ITGA9: variants seen among roughly 807,000 people sequenced by gnomAD.
ITGA9 encodes integrin alpha-9.
ITGA9 carries 56 observed loss-of-function variants against 127.8 expected under a neutral mutation model. The ratio of observed to expected loss-of-function variants is 0.44; its 90% CI spans 0.35 to 0.55. The LOEUF is 0.55. Among genes scored for constraint, ITGA9 ranks in the 20% least tolerant of loss-of-function variants. The pLI is 0.00. For synonymous variants in ITGA9, 508 were observed against 514.5 expected, an observed-to-expected ratio of 0.99 and a Z score of 0.17; for missense variants, 1,196 against 1,347.1, an observed-to-expected ratio of 0.89 and a Z score of 1.76.
At chr3:37,782,935 C>G (rs1559597465) in intron 25 of ITGA9, among the ~76,000 whole-genome samples, 1 of 152,126 alleles carries the variant, frequency 6.6e-6, no homozygotes, top group African/African-American at 2.4e-5. Flanking sequence ...GTCAGGAATT[C>G]AAGACCAGCC....
Position 37,597,823 on chromosome 3 carries a change from T to C in ITGA9, c.1690-31364T>C, listed in dbSNP as rs1012320959. ...TTTGGGCAGGGCTTGTTCATATAGC[T>C]AGGGGTCAGCTAGCTGTTGGTTATC... On this transcript the variant is annotated intron_variant, in intron 15 of 27. Transcript: ENST00000264741. The surrounding 1 kb of genome is among the most constrained non-coding windows in gnomAD (Gnocchi z 4.6). Among the ~76,000 whole-genome samples the C allele has an allele frequency of 2.0e-5, 3 of 152,140 alleles. No individual in the cohort carries two copies. Among genetic ancestry groups the C allele is most frequent in the African/African-American group, 7.2e-5 (3 of 41,434 alleles).
rs1453291719 is a variant in ITGA9 at position 37,820,401 on chromosome 3, C to A, written c.*1412C>A. 1 of 152,320 alleles carries A rather than the reference C, an allele frequency of 6.6e-6. No homozygotes were observed. Among genetic ancestry groups the A allele is most frequent in the African/African-American group, 2.4e-5 (1 of 41,420 alleles). The allele number at this position is 152,320 out of a possible 1,614,324, so 9.4% of individuals were successfully genotyped here. A position where few individuals can be genotyped will look rare whatever the true frequency, so the allele number is the denominator to read the frequency against. On this transcript the variant is annotated 3_prime_UTR_variant, in exon 28 of 28. Transcript: ENST00000264741. ...TCTAAAGGACAACCACAGATGCATC[C>A]TCAGCCAGGGGAGACACAGGGAAAT...
intron 15 of ITGA9, among the ~76,000 whole-genome samples, chr3:37,628,911 T>A (rs1700202282): frequency 6.6e-6 from 1 of 152,162 alleles, no homozygotes; most frequent in African/African-American, 2.4e-5. Flanking sequence ...AGTAAAGTAA[T>A]GTCTTCCATA....
intron 9 of ITGA9, among the ~76,000 whole-genome samples, chr3:37,516,165 C>T (rs886456600): frequency 6.6e-6 from 1 of 152,166 alleles, no homozygotes; most frequent in Admixed American, 6.5e-5. Flanking sequence ...CCCCAGGCCT[C>T]CACTGGGCAT....
intron 24 of ITGA9, among the ~76,000 whole-genome samples, chr3:37,778,240 G>A (rs181830116): frequency 1.2e-4 from 18 of 152,260 alleles, no homozygotes; most frequent in Non-Finnish European, 1.8e-4. Context: ...GATGGGATGG[G>A]GCATGAGGGA....
chr3:37,617,789 C>G (rs1293006542), intron 15 of ITGA9, among the ~76,000 whole-genome samples: 1 of 151,690 alleles, frequency 6.6e-6, no homozygotes, highest in Non-Finnish European at 1.5e-5. Flanking sequence ...TCACGTAGTT[C>G]TCGTGCCATG....
intron 21 of ITGA9, among the ~76,000 whole-genome samples, chr3:37,743,489 A>G (rs1049808782): frequency 1.3e-5 from 2 of 152,220 alleles, no homozygotes; most frequent in Non-Finnish European, 2.9e-5. Flanking sequence ...AGTCTGATAA[A>G]TTTAAGTTTT....
intron 17 of ITGA9, among the ~76,000 whole-genome samples, chr3:37,663,270 T>C (rs746133231): frequency 3.9e-5 from 6 of 152,340 alleles, no homozygotes; most frequent in Non-Finnish European, 8.8e-5. Context: ...AAAAAGACTA[T>C]GGCAAGTGAG....
chr3:37,453,837 A>G (rs781128095), intron 1 of ITGA9, among the ~76,000 whole-genome samples: 2 of 152,210 alleles, frequency 1.3e-5, no homozygotes, highest in Admixed American at 6.5e-5. Flanking sequence ...CATGCTGTTC[A>G]GGAGATCAGC....
intron 18 of ITGA9, among the ~76,000 whole-genome samples, chr3:37,729,510 C>T (rs551920283): frequency 6.6e-6 from 1 of 152,064 alleles, no homozygotes; most frequent in Admixed American, 6.6e-5. Context: ...ATAAATGTTA[C>T]GTTCTAGCAT....
chr3:37,735,338 C>T (rs1293387609), intron 19 of ITGA9, among the ~76,000 whole-genome samples: 2 of 152,166 alleles, frequency 1.3e-5, no homozygotes, highest in Admixed American at 6.5e-5. Context: ...GCCCCCCACC[C>T]CACAGTAAGC....
chr3:37,721,298 T>C (rs1461430625), intron 18 of ITGA9, among the ~76,000 whole-genome samples: 1 of 152,054 alleles, frequency 6.6e-6, no homozygotes, highest in Non-Finnish European at 1.5e-5. Flanking sequence ...TTTATTTTTG[T>C]TGAGACAGGG....
At chr3:37,666,313 C>T (rs1037249486) in intron 17 of ITGA9, among the ~76,000 whole-genome samples, 1 of 152,206 alleles carries the variant, frequency 6.6e-6, no homozygotes, top group African/African-American at 2.4e-5. Flanking sequence ...CACAGGGAAG[C>T]CTGCGGTGAG....
rs533600783 is a variant in ITGA9, at chr3:37,646,026, T to C, written c.1840-7688T>C. 2.0e-5 allele frequency among the ~76,000 whole-genome samples: 3 copies of C among 152,310 alleles called. No homozygotes were observed. The South Asian group carries it at 6.2e-4, about 32-fold the overall frequency. ...AAGAGAAGCACAGCCAGCCCCAGCG[T>C]CCTTACTCTGACTCAGAGGAAAATG... On this transcript the variant is annotated intron_variant, in intron 16 of 27. Transcript: ENST00000264741.
intron 8 of ITGA9, among the ~76,000 whole-genome samples, chr3:37,512,134 CTTTTCT>C (rs1698931672): frequency 2.9e-4 from 3 of 10,362 alleles, no homozygotes; most frequent in African/African-American, 7.1e-4. Flanking sequence ...CTTTTCTTTT[CTTTTCT>C]TTTCTTTTCT....
intron 16 of ITGA9, among the ~76,000 whole-genome samples, chr3:37,648,173 C>T (rs1353020211): frequency 1.3e-5 from 2 of 152,056 alleles, no homozygotes; most frequent in Non-Finnish European, 2.9e-5. Flanking sequence ...TTCTCCATGC[C>T]CTCACTAACA....
chr3:37,672,570 G>A (rs1700647503), intron 17 of ITGA9, among the ~76,000 whole-genome samples: 1 of 152,128 alleles, frequency 6.6e-6, no homozygotes, highest in African/African-American at 2.4e-5. Flanking sequence ...AGGCGGGATA[G>A]GCACACCTGA....
chr3:37,670,416 C>T (rs113852059), intron 17 of ITGA9, among the ~76,000 whole-genome samples: 32 of 152,298 alleles, frequency 2.1e-4, no homozygotes, highest in African/African-American at 6.7e-4. Context: ...GACAGGTGTT[C>T]TTAACCTGGA....
chr3:37,727,147 G>T (rs974120027), intron 18 of ITGA9, among the ~76,000 whole-genome samples: 1 of 152,186 alleles, frequency 6.6e-6, no homozygotes, highest in Non-Finnish European at 1.5e-5. Flanking sequence ...GCTACAGCTC[G>T]CTGCGCTGGC....
Sources: gnomAD v4.1 joint callset for allele counts (sites outside exome capture counted in the v4.1 genomes callset) on GRCh38, gnomAD v4.1.1 for gene constraint, Gnocchi (gnomAD v3.1) non-coding constraint, MANE v1.5 for transcripts, NCBI Gene and HGNC (gene_info 2026-07-23, HGNC 2026-07-21) for gene names.